The following CSMD1 variants were observed in gnomAD, a reference collection of about 807,000 sequenced individuals.
CSMD1 encodes CUB and Sushi multiple domains 1, also known as CUB and sushi domain-containing protein 1.
A neutral mutation model predicts 417.5 loss-of-function variants in CSMD1; 213 were observed. That is an observed-to-expected ratio of 0.51 (90% CI 0.46 to 0.57). The LOEUF is 0.57. CSMD1 is among the 20% of genes least tolerant of loss of function. The probability of loss-of-function intolerance (pLI) is 0.00; values close to 1 mark genes in which losing one functional copy is unlikely to be tolerated. For synonymous variants in CSMD1, 2,862 were observed against 1,736.8 expected (o/e 1.65, Z -16.11); for missense variants, 6,923 against 4,529.7 (o/e 1.53, Z -15.17).
At chr8:4,201,397 G>C (rs1353512299) in intron 3 of CSMD1, among the ~76,000 whole-genome samples, 4 of 151,868 alleles carry the variant, frequency 2.6e-5, no homozygotes, top group Admixed American at 6.5e-5. Context: ...AATTAGCCGG[G>C]GGTGGCGCTG....
chr8:4,747,825 A>C (rs547540208), intron 1 of CSMD1, among the ~76,000 whole-genome samples: 1 of 152,218 alleles, frequency 6.6e-6, no homozygotes, highest in Non-Finnish European at 1.5e-5. Context: ...TCATTTGTAA[A>C]TGTCTCTATT....
At chr8:4,754,330 A>G (rs1180314346) in intron 1 of CSMD1, among the ~76,000 whole-genome samples, 1 of 152,238 alleles carries the variant, frequency 6.6e-6, no homozygotes, top group Non-Finnish European at 1.5e-5. Context: ...CCAACATTCA[A>G]CTTGAAACCT....
chr8:4,326,735 G>A (rs904641122), intron 3 of CSMD1, among the ~76,000 whole-genome samples: 1 of 152,082 alleles, frequency 6.6e-6, no homozygotes, highest in South Asian at 2.1e-4. Context: ...GGGACTTGAT[G>A]GAATAGTAAT....
intron 11 of CSMD1, among the ~76,000 whole-genome samples, chr8:3,487,295 G>A (rs1459605689): frequency 6.6e-6 from 1 of 152,122 alleles, no homozygotes; most frequent in Non-Finnish European, 1.5e-5. Flanking sequence ...TCCACCTCCT[G>A]GGTTCACGCC....
intron 39 of CSMD1, among the ~76,000 whole-genome samples, chr8:3,156,522 G>C (rs1819544477): frequency 6.6e-6 from 1 of 152,182 alleles, no homozygotes; most frequent in Non-Finnish European, 1.5e-5. Flanking sequence ...TCAGGCACAT[G>C]GTGGTGGTAG....
chr8:4,000,656 T>A (rs562545526), intron 4 of CSMD1, among the ~76,000 whole-genome samples: 1 of 152,180 alleles, frequency 6.6e-6, no homozygotes, highest in Non-Finnish European at 1.5e-5. Context: ...GATATTTACT[T>A]TTATTATTGA....
chr8:4,285,660 T>C (rs759968308), intron 3 of CSMD1, among the ~76,000 whole-genome samples: 54 of 152,196 alleles, frequency 3.5e-4, no homozygotes, highest in Non-Finnish European at 1.2e-4. Context: ...TTTGCTTTTC[T>C]TGAATGGCAG....
At chr8:4,653,589 C>A (rs765877341) in intron 1 of CSMD1, among the ~76,000 whole-genome samples, 1 of 152,024 alleles carries the variant, frequency 6.6e-6, no homozygotes. Context: ...TTATGACATG[C>A]ATTAAAATAG....
At chr8:4,548,279 G>C (rs1335226269) in intron 2 of CSMD1, among the ~76,000 whole-genome samples, 1 of 151,950 alleles carries the variant, frequency 6.6e-6, no homozygotes, top group East Asian at 1.9e-4. Flanking sequence ...ATCGAAAAAA[G>C]TTCACTTTTT....
rs564853252 is a variant in CSMD1 at position 4,593,222 on chromosome 8, T to C, written c.302+44120A>G. On this transcript the variant is annotated intron_variant, in intron 2 of 69. Transcript: ENST00000635120. ...TACAGAATCTGCCTTTTGCTGCTGC[T>C]GAAAAGCAAGGTTAATGGAATTTCC... 9.8e-5 allele frequency among the ~76,000 whole-genome samples: 15 copies of C among 152,320 alleles called. No homozygotes were observed. The South Asian group carries it at 2.9e-3, about 29-fold the overall frequency.
chr8:4,256,589 C>T (rs747262199), intron 3 of CSMD1, among the ~76,000 whole-genome samples: 2 of 152,254 alleles, frequency 1.3e-5, no homozygotes, highest in East Asian at 3.9e-4. Flanking sequence ...AGGGGTTTAC[C>T]CTCACTTTAG....
At chr8:4,502,388 C>A (rs1585173313) in intron 2 of CSMD1, among the ~76,000 whole-genome samples, 1 of 151,834 alleles carries the variant, frequency 6.6e-6, no homozygotes, top group Non-Finnish European at 1.5e-5. Context: ...AATAATTGCT[C>A]AAAACAAAAA....
At chr8:4,839,563 A>G (rs927725934) in intron 1 of CSMD1, among the ~76,000 whole-genome samples, 1 of 152,206 alleles carries the variant, frequency 6.6e-6, no homozygotes, top group African/African-American at 2.4e-5. Flanking sequence ...ACTAAAATGA[A>G]CAACGATCGG....
intron 5 of CSMD1, among the ~76,000 whole-genome samples, chr8:3,879,486 GAC>G (rs1235464009): frequency 1.3e-5 from 2 of 152,096 alleles, no homozygotes; most frequent in African/African-American, 4.8e-5. Context: ...TTAGAAATGG[GAC>G]AGAGACCAAG....
intron 3 of CSMD1, among the ~76,000 whole-genome samples, chr8:4,386,959 A>G (rs1311010455): frequency 2.0e-5 from 3 of 152,210 alleles, no homozygotes; most frequent in Non-Finnish European, 4.4e-5. Flanking sequence ...GAAGTGTAAT[A>G]TGTTACGATT....
At chr8:3,794,070 G>C (rs766221756) in intron 5 of CSMD1, among the ~76,000 whole-genome samples, 1 of 152,154 alleles carries the variant, frequency 6.6e-6, no homozygotes. Flanking sequence ...ACCATCATTG[G>C]CTTCCCCTGA....
At chr8:3,556,847 C>G (rs978811481) in intron 10 of CSMD1, among the ~76,000 whole-genome samples, 22 of 151,526 alleles carry the variant, frequency 1.5e-4, no homozygotes, top group African/African-American at 5.1e-4. Flanking sequence ...TAGGGCTTAC[C>G]CCCTCTGGAC....
At chr8:4,274,544 C>T (rs185497900) in intron 3 of CSMD1, among the ~76,000 whole-genome samples, 1 of 151,988 alleles carries the variant, frequency 6.6e-6, no homozygotes, top group African/African-American at 2.4e-5. Flanking sequence ...AGTAAGAGGT[C>T]TGTGTTTATA....
intron 5 of CSMD1, among the ~76,000 whole-genome samples, chr8:3,891,461 C>T (rs1170374059): frequency 6.6e-6 from 1 of 152,088 alleles, no homozygotes; most frequent in Non-Finnish European, 1.5e-5. Flanking sequence ...GGCAGAATTT[C>T]CTGTATACAG....
Sources: allele counts gnomAD v4.1 joint callset (sites outside exome capture counted in the v4.1 genomes callset), GRCh38; gene constraint gnomAD v4.1.1; transcripts MANE v1.5; gene names NCBI Gene and HGNC (gene_info 2026-07-23, HGNC 2026-07-21).